Variants in ADGRV1 observed in about 807,000 individuals in gnomAD.
ADGRV1 encodes G-protein coupled receptor 98.
In ADGRV1, 359 loss-of-function variants were observed where a neutral mutation model predicts 596.2. The observed-to-expected ratio is 0.60, with a 90% CI of 0.55 to 0.66. ADGRV1 has a LOEUF of 0.66. ADGRV1 is among the 30% of genes least tolerant of loss of function. The pLI is 0.00. For synonymous variants in ADGRV1, 2,681 were observed against 2,679.2 expected, an observed-to-expected ratio of 1.00 and a Z score of -0.02; for missense variants, 7,274 against 7,575.6, an observed-to-expected ratio of 0.96 and a Z score of 1.48.
chr5:91,141,220 T>C (rs1215981678), intron 87 of ADGRV1, among the ~76,000 whole-genome samples: 1 of 152,264 alleles, frequency 6.6e-6, no homozygotes, highest in Non-Finnish European at 1.5e-5. Context: ...GCCTGCTGCC[T>C]AGATATTTAA....
chr5:90,812,390 G>A (rs150061197), intron 74 of ADGRV1, among the ~76,000 whole-genome samples: 1 of 152,296 alleles, frequency 6.6e-6, no homozygotes, highest in East Asian at 1.9e-4. Flanking sequence ...TACAAGGAAT[G>A]ATGTTATGAT....
At position 90,765,797 on chromosome 5, in the gene ADGRV1, C is replaced by T. The variant is rs543740521; in HGVS notation, c.12285+2328C>T. On this transcript the variant is annotated intron_variant, in intron 59 of 89. Transcript: ENST00000405460. ...ATAGCTCACTGAAGCTTCGACCTCCCGGCTCAAGCAACATTTCCACCTTAG... is the reference window on the plus strand; with the variant it reads ...ATAGCTCACTGAAGCTTCGACCTCCTGGCTCAAGCAACATTTCCACCTTAG... Among the ~76,000 whole-genome samples the T allele has an allele frequency of 1.6e-3, 237 of 151,832 alleles. 1 individual carries two copies. The highest frequency in any genetic ancestry group is 5.1e-3 in the African/African-American group (211 of 41,448).
At chr5:90,810,141 GC>G (rs1762302821) in intron 73 of ADGRV1, 91 bp from the exon 74 acceptor site, 1 of 1,046,184 alleles carries the variant, frequency 9.6e-7, no homozygotes, top group African/African-American at 1.6e-5. Context: ...GCCCTCATGA[GC>G]AGCATTTTAA....
At position 91,109,505 on chromosome 5, in the gene ADGRV1, T is replaced by TA. The variant is rs760192531; in HGVS notation, c.18432+7166dup. Among the ~76,000 whole-genome samples the TA allele has an allele frequency of 2.6e-5, 4 of 152,176 alleles. No homozygotes were observed. The East Asian group carries it at 7.7e-4, about 29-fold the overall frequency. ...GAGAGAAGAAAAGTACTTTTGTACTTACATGCCTACTGAGCCCAGATTCCA... is the reference window on the plus strand; with the variant it reads ...GAGAGAAGAAAAGTACTTTTGTACTTAACATGCCTACTGAGCCCAGATTCCA... On this transcript the variant is annotated intron_variant, in intron 87 of 89. Coordinates refer to ENST00000405460, the MANE Select transcript of ADGRV1 (RefSeq NM_032119.4).
At chr5:90,805,149 G>A (rs1323634856) in intron 71 of ADGRV1, 135 bp from the exon 72 acceptor site, 3 of 500,592 alleles carry the variant, frequency 6.0e-6, no homozygotes, top group Non-Finnish European at 9.8e-6. Context: ...TATTTCTTAA[G>A]CACTTCTCTT....
Position 90,805,458 on chromosome 5 carries a change from G to A in ADGRV1, c.14836G>A (p.Gly4946Arg), listed in dbSNP as rs1157371492. Reference sequence around the variant, plus strand: ...TGTTGGCAACATGACCCCAACACTGGGTGAGTTGTAGTTTTTCTAAGATGA... The same window carrying A: ...TGTTGGCAACATGACCCCAACACTGAGTGAGTTGTAGTTTTTCTAAGATGA... ...IVVGNMTPTLGSLSFSHGEQR... is the reference protein window; with the variant it reads ...IVVGNMTPTLRSLSFSHGEQR... Residue 4946 changes from glycine (G) to arginine (R), a missense_variant and splice_region_variant, in exon 72 of 90, where the codon GGG (glycine) becomes AGG (arginine). Transcript: ENST00000405460. The A allele has an allele frequency of 6.3e-7, 1 of 1,576,328 alleles. No individual in the cohort carries two copies. The highest frequency in any genetic ancestry group is 8.7e-7 in the Non-Finnish European group (1 of 1,152,698).
At chr5:90,745,562 A>G in intron 51 of ADGRV1, 29 bp from the exon 52 acceptor site, 2 of 1,476,572 alleles carry the variant, frequency 1.4e-6, no homozygotes, top group Non-Finnish European at 1.9e-6. Flanking sequence ...GTTGTAGTTG[A>G]CTTATTTTGT....
intron 50 of ADGRV1, among the ~76,000 whole-genome samples, chr5:90,742,735 G>A (rs1006385655): frequency 2.0e-5 from 3 of 152,208 alleles, no homozygotes; most frequent in African/African-American, 7.2e-5. Context: ...GATGTTGAAA[G>A]ATGAAGCTTG....
intron 85 of ADGRV1, among the ~76,000 whole-genome samples, chr5:90,999,526 T>C (rs1387739262): frequency 1.3e-5 from 2 of 152,000 alleles, no homozygotes; most frequent in Admixed American, 6.6e-5. Context: ...TCAAGCGGAA[T>C]AGAGCATTAG....
At chr5:90,899,272 G>C (rs1292410959) in intron 83 of ADGRV1, 5 of 152,176 alleles carry the variant, frequency 3.3e-5, no homozygotes, top group Admixed American at 6.5e-5. Flanking sequence ...CTTGCTGACA[G>C]ATGAATCACA....
intron 85 of ADGRV1, among the ~76,000 whole-genome samples, chr5:91,005,162 A>G (rs1782166832): frequency 2.0e-5 from 3 of 152,254 alleles, no homozygotes; most frequent in Middle Eastern, 6.8e-3. Flanking sequence ...TGCTCAAAAA[A>G]CTATTTGGTT....
At chr5:90,676,281 G>T in intron 25 of ADGRV1, 72 bp downstream of exon 25, 1 of 1,383,592 alleles carries the variant, frequency 7.2e-7, no homozygotes, top group South Asian at 1.4e-5. Flanking sequence ...ATTCCTTTAG[G>T]GAAGTAAGTT....
chr5:90,990,738 A>C (rs1056612465), intron 85 of ADGRV1, among the ~76,000 whole-genome samples: 3 of 152,242 alleles, frequency 2.0e-5, no homozygotes, highest in African/African-American at 7.2e-5. Context: ...CGGTGCTTAA[A>C]CTAAAACAAA....
intron 81 of ADGRV1, among the ~76,000 whole-genome samples, chr5:90,855,472 GC>G (rs1174328314): frequency 6.6e-6 from 1 of 152,102 alleles, no homozygotes; most frequent in African/African-American, 2.4e-5. Context: ...AATTTGTACT[GC>G]CCTGTTGAGA....
intron 87 of ADGRV1, among the ~76,000 whole-genome samples, chr5:91,104,328 T>C (rs1791658174): frequency 6.6e-6 from 1 of 152,198 alleles, no homozygotes; most frequent in Admixed American, 6.5e-5. Context: ...ACATAATAAT[T>C]GTATATTTAT....
rs142566554 is a variant in ADGRV1 at position 90,982,194 on chromosome 5, G to A, written c.17974-3150G>A. Among the ~76,000 whole-genome samples, 4 of 152,268 alleles carry A rather than the reference G, an allele frequency of 2.6e-5. No individual in the cohort carries two copies. The East Asian group carries it at 5.8e-4, about 22-fold the overall frequency. ...CATTGTTTAATATGAGAAGTATTTAGGTCTTTATTTAGAAGCTTGGTCATT... is the reference window on the plus strand; with the variant it reads ...CATTGTTTAATATGAGAAGTATTTAAGTCTTTATTTAGAAGCTTGGTCATT... On this transcript the variant is annotated intron_variant, in intron 84 of 89. Transcript: ENST00000405460.
intron 83 of ADGRV1, among the ~76,000 whole-genome samples, chr5:90,877,585 GTT>G (rs72003963): frequency 1.4e-4 from 19 of 140,132 alleles, no homozygotes; most frequent in South Asian, 6.7e-4. Flanking sequence ...TCAGTGTGTG[GTT>G]TTTTTTTTTT....
intron 83 of ADGRV1, among the ~76,000 whole-genome samples, chr5:90,904,194 G>C (rs1772107774): frequency 6.6e-6 from 1 of 151,938 alleles, no homozygotes; most frequent in Non-Finnish European, 1.5e-5. Flanking sequence ...CCAAATCTTG[G>C]CTATTGTGAG....
At chr5:90,574,698 C>G (rs951392576) in intron 1 of ADGRV1, among the ~76,000 whole-genome samples, 4 of 152,154 alleles carry the variant, frequency 2.6e-5, no homozygotes, top group African/African-American at 9.7e-5. Context: ...TAGAGTTCAG[C>G]TGTGAATCCA....
Sources: allele counts gnomAD v4.1 joint callset (sites outside exome capture counted in the v4.1 genomes callset), GRCh38; gene constraint gnomAD v4.1.1; transcripts MANE v1.5; gene names NCBI Gene and HGNC (gene_info 2026-07-23, HGNC 2026-07-21).